DIS3L2: variants seen among roughly 807,000 people sequenced by gnomAD.
DIS3L2 encodes the protein DIS3-like exonuclease 2.
Under a neutral mutation model 97.5 loss-of-function variants are expected in DIS3L2, and 34 were observed. The observed-to-expected ratio is 0.35, with a 90% CI of 0.27 to 0.46. DIS3L2 has a LOEUF of 0.46. DIS3L2 is among the 20% of genes least tolerant of loss of function. The pLI, the probability that DIS3L2 is intolerant of heterozygous loss-of-function variation, is 1.00. For missense variants in DIS3L2, 1,038 were observed against 1,146.0 expected, an observed-to-expected ratio of 0.91 and a Z score of 1.36; for synonymous variants, 435 against 445.2, an observed-to-expected ratio of 0.98 and a Z score of 0.29.
At chr2:232,183,044 AG>A (rs1691335660) in intron 9 of DIS3L2, among the ~76,000 whole-genome samples, 1 of 152,232 alleles carries the variant, frequency 6.6e-6, no homozygotes, top group Non-Finnish European at 1.5e-5. Flanking sequence ...TCAAGGGTAG[AG>A]CCCTCATGAA....
intron 14 of DIS3L2, 28 bp from the exon 15 acceptor site, chr2:232,329,785 T>TGCCCGGGCCCCCC: frequency 1.0e-6 from 1 of 967,144 alleles, no homozygotes; most frequent in Non-Finnish European, 1.5e-6. Context: ...ACCCCAGCGG[T>TGCCCGGGCCCCCC]CCCTCCCATC....
chr2:232,333,877 C>T lies in DIS3L2; in HGVS notation c.2048C>T (p.Pro683Leu). ...LYFCSGLLQD[P>L]AQFRHYALNV... Reference sequence around the variant, plus strand: ...TTCTGCTCGGGGCTGCTGCAGGACCCAGCGCAGTTCCGGCACTACGCGCTC... The same window carrying T: ...TTCTGCTCGGGGCTGCTGCAGGACCTAGCGCAGTTCCGGCACTACGCGCTC... The change falls in exon 17 of 21, where the codon CCA becomes CTA. Residue 683 changes from proline to leucine, a missense_variant. Coordinates refer to ENST00000325385, the MANE Select transcript of DIS3L2 (RefSeq NM_152383.5). The T allele has an allele frequency of 1.9e-6, 3 of 1,612,830 alleles. No homozygotes were observed. The highest frequency in any genetic ancestry group is 2.5e-6 in the Non-Finnish European group (3 of 1,179,890).
intron 13 of DIS3L2, among the ~76,000 whole-genome samples, chr2:232,291,075 T>G (rs1694585810): frequency 6.6e-6 from 1 of 152,220 alleles, no homozygotes; most frequent in Non-Finnish European, 1.5e-5. Flanking sequence ...TCCTGCTGAA[T>G]GAGCAAGTTC....
At chr2:232,128,338 C>T (rs1004711411) in intron 6 of DIS3L2, among the ~76,000 whole-genome samples, 13 of 151,730 alleles carry the variant, frequency 8.6e-5, no homozygotes, top group African/African-American at 1.9e-4. Context: ...TCTTTTAACA[C>T]TGGATCTTCA....
chr2:232,173,000 A>G (rs928410653), intron 9 of DIS3L2, among the ~76,000 whole-genome samples: 38 of 152,154 alleles, frequency 2.5e-4, no homozygotes, highest in African/African-American at 8.4e-4. Context: ...TTGTTGAGCT[A>G]TAAGTGTAGT....
intron 1 of DIS3L2, among the ~76,000 whole-genome samples, chr2:231,988,999 A>T (rs774570541): frequency 6.6e-6 from 1 of 152,306 alleles, no homozygotes. Context: ...CCAAATTGCC[A>T]TGGTAAAATT....
chr2:232,282,501 C>T (rs1487131413), intron 13 of DIS3L2, among the ~76,000 whole-genome samples: 3 of 152,210 alleles, frequency 2.0e-5, no homozygotes, highest in African/African-American at 7.2e-5. Context: ...CTCAAAGGCT[C>T]AAAGTCGAGT....
intron 11 of DIS3L2, among the ~76,000 whole-genome samples, chr2:232,247,498 C>G (rs901394164): frequency 1.3e-5 from 2 of 151,588 alleles, no homozygotes; most frequent in African/African-American, 4.9e-5. Flanking sequence ...TATAAAGTCA[C>G]CAGTCGTATT....
chr2:232,186,496 A>C (rs1371798143), intron 9 of DIS3L2, among the ~76,000 whole-genome samples: 4 of 152,186 alleles, frequency 2.6e-5, no homozygotes, highest in Admixed American at 2.6e-4. Context: ...ATTAACAGCA[A>C]TTTTTACACA....
chr2:232,071,798 CA>C (rs1418169868), intron 5 of DIS3L2, among the ~76,000 whole-genome samples: 2 of 152,118 alleles, frequency 1.3e-5, no homozygotes, highest in Non-Finnish European at 2.9e-5. Flanking sequence ...CTTGGCCTCC[CA>C]AAATGCTGGG....
intron 1 of DIS3L2, among the ~76,000 whole-genome samples, chr2:231,969,033 G>T (rs745402920): frequency 6.6e-6 from 1 of 152,036 alleles, no homozygotes; most frequent in Non-Finnish European, 1.5e-5. Flanking sequence ...TGCCGCCGCC[G>T]TGTAAGACAT....
At chr2:231,991,792 T>C (rs1693591133) in intron 1 of DIS3L2, among the ~76,000 whole-genome samples, 1 of 152,168 alleles carries the variant, frequency 6.6e-6, no homozygotes, top group Non-Finnish European at 1.5e-5. Flanking sequence ...TGATCCCTGC[T>C]CCTCAGTAAT....
At chr2:232,341,505 T>C (rs1174297255), downstream of DIS3L2, among the ~76,000 whole-genome samples, 2 of 152,100 alleles carry the variant, frequency 1.3e-5, no homozygotes, top group African/African-American at 4.8e-5. Flanking sequence ...AGTCACAGTT[T>C]ACGATCTGGC....
chr2:232,212,290 A>G (rs1277126894), intron 10 of DIS3L2, among the ~76,000 whole-genome samples: 2 of 152,208 alleles, frequency 1.3e-5, no homozygotes, highest in Admixed American at 1.3e-4. Flanking sequence ...CTCATTCCTC[A>G]TATTTGCCTT....
intron 4 of DIS3L2, 89 bp from the exon 5 acceptor site, chr2:232,029,890 T>G: frequency 2.1e-6 from 2 of 933,426 alleles, no homozygotes; most frequent in African/African-American, 1.7e-5. Flanking sequence ...AACTTGCTGT[T>G]TTCTATTTCA....
chr2:232,332,685 C>A lies in DIS3L2; in HGVS notation c.2011-1155C>A, dbSNP rs544203491. On this transcript the variant is annotated intron_variant, in intron 16 of 20. Transcript: ENST00000325385. Reference sequence around the variant, plus strand: ...CAGCACAAGGGCCTTTGGAACTCAGCCCTCTGTGTCTCAGCCCCCGGGAGG... The same window carrying A: ...CAGCACAAGGGCCTTTGGAACTCAGACCTCTGTGTCTCAGCCCCCGGGAGG... 7.2e-5 allele frequency among the ~76,000 whole-genome samples: 11 copies of A among 152,270 alleles called. No individual in the cohort carries two copies. In the South Asian group the frequency reaches 2.3e-3, roughly 32 times the overall value.
chr2:232,115,748 T>A (rs903107213), intron 6 of DIS3L2, among the ~76,000 whole-genome samples: 8 of 152,194 alleles, frequency 5.3e-5, no homozygotes, highest in African/African-American at 1.2e-4. Context: ...GAAGAAGTTT[T>A]GCCTTCCACT....
intron 6 of DIS3L2, among the ~76,000 whole-genome samples, chr2:232,113,397 G>A (rs1429172918): frequency 6.6e-6 from 1 of 152,094 alleles, no homozygotes; most frequent in Non-Finnish European, 1.5e-5. Flanking sequence ...AAAACTATAG[G>A]TGACAGTACT....
At chr2:232,332,556 G>A (rs1695769782) in intron 16 of DIS3L2, among the ~76,000 whole-genome samples, 1 of 151,464 alleles carries the variant, frequency 6.6e-6, no homozygotes, top group South Asian at 2.1e-4. Flanking sequence ...CTCGGGGACT[G>A]CAGGACAAAC....
Sources: allele counts gnomAD v4.1 joint callset (sites outside exome capture counted in the v4.1 genomes callset), GRCh38; gene constraint gnomAD v4.1.1; transcripts MANE v1.5; gene names NCBI Gene and HGNC (gene_info 2026-07-23, HGNC 2026-07-21).